BRME1: variants seen among roughly 807,000 people sequenced by gnomAD.
BRME1 encodes the protein break repair meiotic recombinase recruitment factor 1, also known as BRCA2 and MEILB2-associating protein 1.
In BRME1, 31 loss-of-function variants were observed where a neutral mutation model predicts 52.6. The observed-to-expected ratio is 0.59, with a 90% confidence interval of 0.44 to 0.80. The LOEUF (loss-of-function observed/expected upper bound fraction) is 0.80. Among genes scored for constraint, BRME1 ranks in the 30% least tolerant of loss-of-function variants. BRME1 has a pLI of 0.00. For missense variants in BRME1, 804 were observed against 860.3 expected, an observed-to-expected ratio of 0.93 and a Z score of 0.82; for synonymous variants, 359 against 353.6, an observed-to-expected ratio of 1.02 and a Z score of -0.17.
At chr19:13,900,360 C>A (rs1244711877) in intron 2 of BRME1, among the ~76,000 whole-genome samples, 5 of 152,198 alleles carry the variant, frequency 3.3e-5, no homozygotes, top group Non-Finnish European at 7.4e-5. Flanking sequence ...GTCCACTGAG[C>A]TGGGGAGTCT....
At position 13,893,211 on chromosome 19, in the gene BRME1, C is replaced by T; in HGVS notation, c.219G>A (p.Glu73=). 1 of 1,583,858 alleles carries T rather than the reference C, an allele frequency of 6.3e-7. No homozygotes were observed. Among genetic ancestry groups the T allele is most frequent in the Non-Finnish European group, 8.6e-7 (1 of 1,166,162 alleles). The stretch of plus-strand genomic sequence containing the variant: ...GGAGCCGGCAGGGAGATCCTGTTTC[C>T]TCATCAGGGGAGCTATGTAGGAAAA... The part of the protein sequence containing the change: ...PGKAVSSSPD[E]ETGSPCRLLR... The change falls in exon 4 of 9, where the codon GAG becomes GAA. Residue 73 remains glutamate (E), a synonymous_variant. Coordinates refer to ENST00000586783, the MANE Select transcript of BRME1 (RefSeq NM_001345843.2).
intron 6 of BRME1, 30 bp downstream of exon 6, chr19:13,889,158 G>A (rs1006474996): frequency 2.0e-6 from 3 of 1,525,794 alleles, no homozygotes; most frequent in South Asian, 2.6e-5. Flanking sequence ...GCCCTGGGCA[G>A]GTATGTCTGT....
chr19:13,902,940 A>C (rs917180998), intron 2 of BRME1, among the ~76,000 whole-genome samples: 2 of 151,770 alleles, frequency 1.3e-5, no homozygotes, highest in African/African-American at 4.8e-5. Context: ...AAAAAAAAAA[A>C]AGTCTAGAAG....
chr19:13,897,071 G>C (rs960922697), intron 2 of BRME1, among the ~76,000 whole-genome samples: 1 of 140,450 alleles, frequency 7.1e-6, no homozygotes, highest in Non-Finnish European at 1.5e-5. Context: ...ACAGAGTCTC[G>C]CTCTGTCACC....
chr19:13,890,503 C>T (rs1222021736), intron 5 of BRME1, 41 bp from the exon 6 acceptor site: 1 of 1,436,048 alleles, frequency 7.0e-7, no homozygotes, highest in South Asian at 1.6e-5. Context: ...CCTTTGATAA[C>T]CAAGTTCTCC....
chr19:13,890,754 C>T (rs1313624696), intron 5 of BRME1, among the ~76,000 whole-genome samples: 1 of 152,082 alleles, frequency 6.6e-6, no homozygotes, highest in African/African-American at 2.4e-5. Context: ...GTAGTCCCAA[C>T]TACTCAGGAG....
intron 5 of BRME1, 77 bp from the exon 6 acceptor site, chr19:13,890,539 A>G: frequency 7.4e-7 from 1 of 1,350,894 alleles, no homozygotes; most frequent in African/African-American, 1.5e-5. Flanking sequence ...AGGTTGGTGT[A>G]AAAGTAATTG....
At chr19:13,895,289 C>T (rs1476599875) in intron 3 of BRME1, 83 bp downstream of exon 3, 33 of 1,445,482 alleles carry the variant, frequency 2.3e-5, no homozygotes, top group African/African-American at 2.8e-5. Context: ...GGGTCTCTTT[C>T]CCAAAGCATT....
chr19:13,886,155 G>A, intron 6 of BRME1, 100 bp from the exon 7 acceptor site: 1 of 950,290 alleles, frequency 1.1e-6, no homozygotes. Flanking sequence ...CTTCACCGCG[G>A]CCACAGCAGG....
At position 13,889,587 on chromosome 19, in the gene BRME1, A is replaced by G. The variant is rs3803891; in HGVS notation, c.1269T>C (p.Pro423=). 393,191 of 1,611,320 alleles carry G rather than the reference A, an allele frequency of 0.24. 56,257 individuals are homozygous for G. The highest frequency in any genetic ancestry group is 0.67 in the African/African-American group (49,958 of 74,914). ...CACCCATCATGGACTCTCCGCTCCC[A>G]GGTGCCAGAGCCAGGGAGGCTGTAG... ...VGPTASLALA[P]GSGESMMGAG... is the part of the protein sequence containing the mutation. Residue 423 remains proline, a synonymous_variant, in exon 6 of 9, where the codon CCT becomes CCC. Coordinates refer to ENST00000586783, the MANE Select transcript of BRME1 (RefSeq NM_001345843.2).
chr19:13,899,478 T>C (rs1446925847), intron 2 of BRME1, among the ~76,000 whole-genome samples: 2 of 152,134 alleles, frequency 1.3e-5, no homozygotes, highest in Non-Finnish European at 2.9e-5. Context: ...TCAGTTACAG[T>C]TCGGGAGTGC....
chr19:13,890,538 T>A, intron 5 of BRME1, 76 bp from the exon 6 acceptor site: 1 of 1,348,590 alleles, frequency 7.4e-7, no homozygotes, highest in Non-Finnish European at 9.7e-7. Flanking sequence ...TAGGTTGGTG[T>A]AAAAGTAATT....
chr19:13,903,395 G>A (rs762487293), intron 2 of BRME1, among the ~76,000 whole-genome samples: 7 of 151,986 alleles, frequency 4.6e-5, no homozygotes, highest in Non-Finnish European at 7.4e-5. Context: ...TCTCTAGGCC[G>A]GGCACGGTGG....
chr19:13,904,862 C>T lies in BRME1; in HGVS notation c.31G>A (p.Gly11Arg). 1 of 1,613,848 alleles carries T rather than the reference C, an allele frequency of 6.2e-7. No homozygotes were observed. Among genetic ancestry groups the T allele is most frequent in the East Asian group, 2.2e-5 (1 of 44,858 alleles). The change falls in exon 2 of 9, where the codon GGA becomes AGA. Residue 11 changes from glycine (G) to arginine (R), a missense_variant and splice_region_variant. By Grantham distance (125) the Gly-to-Arg change is moderately radical. Transcript: ENST00000586783. MTKRKKLRTS[G>R]EGLCPPKPLK... ...CAAGTGTCCATTTGAATGAACGTAC[C>T]TGAGGTCCGCAGCTTCTTCCTCTTA...
At chr19:13,901,528 G>A (rs774951867) in intron 2 of BRME1, among the ~76,000 whole-genome samples, 4 of 151,546 alleles carry the variant, frequency 2.6e-5, no homozygotes, top group African/African-American at 4.9e-5. Flanking sequence ...GTGAAACCCC[G>A]TCTCTACTAA....
At position 13,882,899 on chromosome 19, in the gene BRME1, T is replaced by A. The variant is rs150370672; in HGVS notation, c.1910A>T (p.Tyr637Phe). Residue 637 changes from tyrosine to phenylalanine, a missense_variant, in exon 9 of 9, where the codon TAC (tyrosine) becomes TTC (phenylalanine). By Grantham distance (22) the Tyr-to-Phe change is conservative (BLOSUM62 3). Coordinates refer to ENST00000586783, the MANE Select transcript of BRME1 (RefSeq NM_001345843.2). ...RDLEAFKRLNYRKTKLGGKAP... is the reference protein window; with the variant it reads ...RDLEAFKRLNFRKTKLGGKAP... The stretch of plus-strand genomic sequence containing the variant: ...TTTGCCTCCCAGCTTTGTCTTCCGG[T>A]AGTTAAGGCGCTTGAAAGCTTCCAG... 6.2e-7 allele frequency: 1 copy of A among 1,613,336 alleles called. No homozygotes were observed. The highest frequency in any genetic ancestry group is 2.2e-5 in the East Asian group (1 of 44,812).
In BRME1 at chr19:13,892,842, C is replaced by T. The variant is rs201659831; in HGVS notation, c.337G>A (p.Val113Met). The change falls in exon 5 of 9, where the codon GTG (valine) becomes ATG (methionine). Residue 113 changes from valine (V) to methionine (M), a missense_variant. By Grantham distance (21) the Val-to-Met change is conservative. This residue lies in a region of BRME1 where 234 missense variants were observed against 258.1 expected (regional missense o/e 0.91). Coordinates refer to ENST00000586783, the MANE Select transcript of BRME1 (RefSeq NM_001345843.2). Reference protein sequence around the residue: ...VPQFAKSRKTVTRKEEMKDED... With the variant: ...VPQFAKSRKTMTRKEEMKDED... ...TCCTTCATCTCTTCTTTTCTTGTCA[C>T]TGTCTTCCTGGATTTTGCAAACTGG... The T allele has an allele frequency of 4.3e-5, 70 of 1,614,234 alleles. No individual in the cohort carries two copies. Among genetic ancestry groups the T allele is most frequent in the Non-Finnish European group, 5.7e-5 (67 of 1,180,022 alleles).
Position 13,883,386 on chromosome 19 carries a change from ATC to A in BRME1, c.1776_1777del (p.Ile593ProfsTer4). ...CATCCTGGAGGCCTCAGAGGCCTGG[ATC>A]CCCACGAAGGTCCTGGCCAGCAGGG... On this transcript the variant is annotated frameshift_variant, in exon 8 of 9. Transcript: ENST00000586783. LOFTEE classifies it high-confidence loss of function. This position sits in a 1 kb window ranked among gnomAD's most constrained non-coding sequence, Gnocchi z 4.2. The A allele has an allele frequency of 6.5e-7, 1 of 1,534,332 alleles. No homozygotes were observed.
rs3745456 is a variant in BRME1, at chr19:13,906,020, A to G, written c.-327T>C. The stretch of plus-strand genomic sequence containing the variant: ...AAGCCGGAGCCCGTCGGTGACTGAC[A>G]GACGCTCTGAACCCCACAGATGTCG... On this transcript the variant is annotated 5_prime_UTR_variant, in exon 1 of 9. Transcript: ENST00000586783. The surrounding 1 kb of genome is among the most constrained non-coding windows in gnomAD (Gnocchi z 4.1). 0.32 allele frequency: 50,099 copies of G among 155,758 alleles called. 10,040 individuals carry two copies. Among genetic ancestry groups the G allele is most frequent in the African/African-American group, 0.58 (23,992 of 41,570 alleles). The allele number at this position is 155,758 out of a possible 1,614,324, so 9.6% of individuals were successfully genotyped here. A position where few individuals can be genotyped will look rare whatever the true frequency, so the allele number is the denominator to read the frequency against.
Sources: allele counts gnomAD v4.1 joint callset (sites outside exome capture counted in the v4.1 genomes callset), GRCh38; gene constraint gnomAD v4.1.1; regional missense constraint gnomAD v4.1.1; non-coding constraint Gnocchi (gnomAD v3.1); transcripts MANE v1.5; gene names NCBI Gene and HGNC (gene_info 2026-07-23, HGNC 2026-07-21).